Variants in GAB1 observed in about 807,000 individuals in gnomAD.
GAB1 encodes the protein GRB2-associated-binding protein 1.
In GAB1, 19 loss-of-function variants were observed where a neutral mutation model predicts 66.5. The ratio of observed to expected loss-of-function variants is 0.29; its 90% confidence interval spans 0.20 to 0.42. The LOEUF (loss-of-function observed/expected upper bound fraction) is 0.42, where lower values mean the gene tolerates loss of function less well. Among genes scored for constraint, GAB1 ranks in the 10% least tolerant of loss-of-function variants. GAB1 has a pLI of 1.00. For synonymous variants in GAB1, 294 were observed against 301.4 expected, an observed-to-expected ratio of 0.98 and a Z score of 0.25; for missense variants, 732 against 858.5, an observed-to-expected ratio of 0.85 and a Z score of 1.84.
At chr4:143,425,927 T>G in intron 2 of GAB1, 1 of 1,209,984 alleles carries the variant, frequency 8.3e-7, no homozygotes, top group East Asian at 2.3e-5. Context: ...CTGGAAGGTC[T>G]TAAGCTGTTC....
chr4:143,344,623 T>C (rs1728932252), intron 1 of GAB1, among the ~76,000 whole-genome samples: 1 of 152,214 alleles, frequency 6.6e-6, no homozygotes, highest in Non-Finnish European at 1.5e-5. Flanking sequence ...GGCTCTTCCG[T>C]TGCCAGTGGG....
intron 6 of GAB1, among the ~76,000 whole-genome samples, chr4:143,456,887 C>A (rs1304455299): frequency 6.6e-6 from 1 of 152,272 alleles, no homozygotes; most frequent in Admixed American, 6.5e-5. Flanking sequence ...GGGAAGGATG[C>A]CCTTTCATAG....
intron 2 of GAB1, among the ~76,000 whole-genome samples, chr4:143,427,172 G>C (rs942080962): frequency 6.6e-6 from 1 of 152,162 alleles, no homozygotes. Flanking sequence ...ATCTGAAAAG[G>C]CCAGGCTCCT....
chr4:143,375,414 C>T (rs139245235), intron 1 of GAB1, among the ~76,000 whole-genome samples: 19 of 152,230 alleles, frequency 1.2e-4, no homozygotes, highest in African/African-American at 3.6e-4. Context: ...TGCTTCTTGC[C>T]GTATCTGAGC....
intron 1 of GAB1, among the ~76,000 whole-genome samples, chr4:143,384,028 G>A (rs145547590): frequency 0.012 from 1,749 of 152,012 alleles, 42 homozygotes; most frequent in African/African-American, 0.039. Context: ...AGCTATGGTC[G>A]CACCACTGCA....
rs199917344 is a variant in GAB1, at chr4:143,409,383, CT to C, written c.73-6091del. Among the ~76,000 whole-genome samples the C allele has an allele frequency of 2.8e-4, 40 of 143,120 alleles. 1 individual carries two copies. Among genetic ancestry groups the C allele is most frequent in the South Asian group, 4.7e-4 (2 of 4,300 alleles). 93.9% of individuals were successfully genotyped at this position (143,120 alleles called of 152,430 possible). ...TTTGGACTTCAATAACAACTTTGAA[CT>C]TTCCCCCCCCCCGCTCTGAAATCTT... On this transcript the variant is annotated intron_variant, in intron 1 of 9. Coordinates refer to ENST00000262994, the MANE Select transcript of GAB1 (RefSeq NM_002039.4).
intron 7 of GAB1, 127 bp downstream of exon 7, chr4:143,459,605 G>T (rs1303512831): frequency 1.0e-5 from 7 of 677,746 alleles, no homozygotes; most frequent in Non-Finnish European, 1.8e-5. Flanking sequence ...CTTTTTGGGG[G>T]TTCTGTGAAG....
intron 9 of GAB1, among the ~76,000 whole-genome samples, chr4:143,468,295 A>G (rs1735905944): frequency 7.0e-6 from 1 of 142,910 alleles, no homozygotes; most frequent in Admixed American, 7.4e-5. Context: ...GCTCACTGCA[A>G]CCTCTGCCAC....
chr4:143,382,060 AC>A (rs1730679665), intron 1 of GAB1: 1 of 152,184 alleles, frequency 6.6e-6, no homozygotes, highest in Admixed American at 6.5e-5. Context: ...TCATTTTTAT[AC>A]TAATAGATTG....
intron 2 of GAB1, among the ~76,000 whole-genome samples, chr4:143,416,674 T>C (rs1006425190): frequency 6.6e-6 from 1 of 151,974 alleles, no homozygotes; most frequent in African/African-American, 2.4e-5. Context: ...CCCAGGAGGC[T>C]GAGGCAGGAG....
intron 1 of GAB1, among the ~76,000 whole-genome samples, chr4:143,355,493 G>A (rs933396423): frequency 5.3e-5 from 8 of 151,978 alleles, no homozygotes; most frequent in Admixed American, 4.6e-4. Flanking sequence ...TTAAGTGCAC[G>A]GCACAGTAGG....
chr4:143,350,641 G>A (rs1314719754), intron 1 of GAB1, among the ~76,000 whole-genome samples: 1 of 135,606 alleles, frequency 7.4e-6, no homozygotes, highest in African/African-American at 2.8e-5. Context: ...TCTCGTCATT[G>A]CACTCCAGCC....
intron 1 of GAB1, among the ~76,000 whole-genome samples, chr4:143,363,413 T>C (rs1381244625): frequency 6.6e-6 from 1 of 152,114 alleles, no homozygotes; most frequent in Non-Finnish European, 1.5e-5. Flanking sequence ...GAAGTAGTAC[T>C]ATAGGACCTA....
chr4:143,460,411 C>T lies in GAB1; in HGVS notation c.1727C>T (p.Thr576Ile), dbSNP rs1281080820. The T allele has an allele frequency of 6.2e-7, 1 of 1,613,500 alleles. No homozygotes were observed. Among genetic ancestry groups the T allele is most frequent in the Admixed American group, 1.7e-5 (1 of 60,008 alleles). Reference protein sequence around the residue: ...MSPRPDSVHSTTSSSDSHDSE... With the variant: ...MSPRPDSVHSITSSSDSHDSE... ...CCCCGACCAGATTCAGTGCATAGCACAACTTCAAGCAGTGACTCACACGAC... is the reference window on the plus strand; with the variant it reads ...CCCCGACCAGATTCAGTGCATAGCATAACTTCAAGCAGTGACTCACACGAC... Residue 576 changes from threonine to isoleucine, a missense_variant, in exon 8 of 10, where the codon ACA becomes ATA. This residue lies in a region of GAB1 where 204 missense variants were observed against 276.8 expected (regional missense o/e 0.74). Transcript: ENST00000262994.
At chr4:143,420,372 G>A (rs1359409002) in intron 2 of GAB1, among the ~76,000 whole-genome samples, 1 of 152,050 alleles carries the variant, frequency 6.6e-6, no homozygotes, top group Non-Finnish European at 1.5e-5. Flanking sequence ...AAAAGGAAAA[G>A]GGAAAAATCT....
intron 2 of GAB1, among the ~76,000 whole-genome samples, chr4:143,428,787 G>A (rs1733494886): frequency 1.4e-5 from 2 of 143,834 alleles, no homozygotes; most frequent in South Asian, 4.3e-4. Flanking sequence ...TCATAAGTAG[G>A]AATTGAACAA....
At chr4:143,441,409 C>G (rs997977547) in intron 6 of GAB1, among the ~76,000 whole-genome samples, 1 of 152,178 alleles carries the variant, frequency 6.6e-6, no homozygotes, top group Non-Finnish European at 1.5e-5. Context: ...ATAATGTTGG[C>G]ATCAATTTCT....
At chr4:143,365,217 C>T (rs1729833839) in intron 1 of GAB1, among the ~76,000 whole-genome samples, 1 of 152,032 alleles carries the variant, frequency 6.6e-6, no homozygotes, top group Non-Finnish European at 1.5e-5. Context: ...ATCCTCTCTA[C>T]CCCATTTGTG....
At chr4:143,351,420 G>A (rs982850970) in intron 1 of GAB1, among the ~76,000 whole-genome samples, 14 of 152,190 alleles carry the variant, frequency 9.2e-5, no homozygotes, top group Non-Finnish European at 2.9e-5. Flanking sequence ...TTGCCTGCGG[G>A]TGCTCTTCCG....
Sources: allele counts gnomAD v4.1 joint callset (sites outside exome capture counted in the v4.1 genomes callset), GRCh38; gene constraint gnomAD v4.1.1; regional missense constraint gnomAD v4.1.1; transcripts MANE v1.5; gene names NCBI Gene and HGNC (gene_info 2026-07-23, HGNC 2026-07-21).